CTNNA3: variants seen among roughly 807,000 people sequenced by gnomAD.
CTNNA3 encodes the protein catenin alpha 3.
CTNNA3 carries 76 observed loss-of-function variants against 95.7 expected under a neutral mutation model. The ratio of observed to expected loss-of-function variants is 0.79; its 90% confidence interval spans 0.66 to 0.96. The LOEUF (loss-of-function observed/expected upper bound fraction) is 0.96. Among genes scored for constraint, CTNNA3 ranks in the 40% least tolerant of loss-of-function variants. The pLI is 0.00. For synonymous variants in CTNNA3, 431 were observed against 374.4 expected (o/e 1.15, Z -1.74); for missense variants, 1,191 against 1,089.8 (o/e 1.09, Z -1.31).
intron 5 of CTNNA3, among the ~76,000 whole-genome samples, chr10:67,482,736 T>C (rs1848283277): frequency 6.6e-6 from 1 of 152,180 alleles, no homozygotes; most frequent in Non-Finnish European, 1.5e-5. Flanking sequence ...TGAATACCCT[T>C]TATTTCCTTC....
At chr10:67,054,281 C>T (rs183090348) in intron 7 of CTNNA3, among the ~76,000 whole-genome samples, 278 of 152,078 alleles carry the variant, frequency 1.8e-3, no homozygotes, top group South Asian at 4.6e-3. Flanking sequence ...TACCCCAGAA[C>T]ATCAGGAAGA....
chr10:66,844,684 G>C (rs987011404), intron 7 of CTNNA3, among the ~76,000 whole-genome samples: 2 of 152,156 alleles, frequency 1.3e-5, no homozygotes, highest in African/African-American at 4.8e-5. Context: ...AACCATGTGT[G>C]TCAGTGAGAA....
rs529355315 is a variant in CTNNA3, at chr10:66,575,907, T to C, written c.1374+45785A>G. 2.0e-5 allele frequency among the ~76,000 whole-genome samples: 3 copies of C among 152,160 alleles called. No individual in the cohort carries two copies. The East Asian group carries it at 5.8e-4, about 29-fold the overall frequency. On this transcript the variant is annotated intron_variant, in intron 10 of 17. Transcript: ENST00000433211. ...TCTTTAATACCTGTGATCACAGCTG[T>C]GAAATAGGCTTAATACACAGCCTGA... is the stretch of plus-strand genomic sequence containing the variant.
At chr10:66,236,157 A>C (rs2089843982) in intron 13 of CTNNA3, among the ~76,000 whole-genome samples, 1 of 152,204 alleles carries the variant, frequency 6.6e-6, no homozygotes, top group Admixed American at 6.5e-5. Flanking sequence ...CAAAGGAACA[A>C]ACGGAGACAA....
At chr10:67,535,842 T>G (rs1320967436) in intron 4 of CTNNA3, among the ~76,000 whole-genome samples, 1 of 152,116 alleles carries the variant, frequency 6.6e-6, no homozygotes, top group Non-Finnish European at 1.5e-5. Flanking sequence ...AAATAATTCA[T>G]CTTAAAAACA....
chr10:67,675,972 C>G (rs932820012), intron 1 of CTNNA3, among the ~76,000 whole-genome samples: 1 of 151,926 alleles, frequency 6.6e-6, no homozygotes, highest in African/African-American at 2.4e-5. Flanking sequence ...ATATTTTCCT[C>G]TAGAATGCAA....
chr10:66,243,110 G>T (rs945841963), intron 13 of CTNNA3, among the ~76,000 whole-genome samples: 2 of 152,274 alleles, frequency 1.3e-5, no homozygotes, highest in South Asian at 2.1e-4. Context: ...CAATTGATCA[G>T]TGTTAACATT....
chr10:66,461,185 C>T (rs180763607), intron 11 of CTNNA3, among the ~76,000 whole-genome samples: 15 of 152,040 alleles, frequency 9.9e-5, no homozygotes, highest in Non-Finnish European at 2.1e-4. Flanking sequence ...GCGCATTTCC[C>T]CAGGAATCAC....
chr10:65,945,098 T>C (rs2077495459), intron 17 of CTNNA3, among the ~76,000 whole-genome samples: 1 of 152,110 alleles, frequency 6.6e-6, no homozygotes, highest in Non-Finnish European at 1.5e-5. Context: ...AACTAATTTA[T>C]ATATGTATGC....
intron 13 of CTNNA3, among the ~76,000 whole-genome samples, chr10:66,231,001 T>G (rs988252199): frequency 3.3e-5 from 5 of 152,076 alleles, no homozygotes; most frequent in Non-Finnish European, 7.4e-5. Flanking sequence ...AAGAATAAAC[T>G]CAGGTGGTGG....
At chr10:66,189,545 T>C (rs1481433441) in intron 13 of CTNNA3, among the ~76,000 whole-genome samples, 2 of 150,274 alleles carry the variant, frequency 1.3e-5, no homozygotes, top group Non-Finnish European at 3.0e-5. Context: ...TTATGTTCTG[T>C]TGCTCTATGT....
intron 7 of CTNNA3, among the ~76,000 whole-genome samples, chr10:66,918,125 C>T (rs538946421): frequency 6.6e-6 from 1 of 152,272 alleles, no homozygotes; most frequent in South Asian, 2.1e-4. Context: ...GATTGCTATC[C>T]TATTAATAAG....
At chr10:66,634,562 C>G (rs1253718903) in intron 9 of CTNNA3, among the ~76,000 whole-genome samples, 1 of 133,504 alleles carries the variant, frequency 7.5e-6, no homozygotes, top group Non-Finnish European at 1.5e-5. Flanking sequence ...TGGAAAGGTA[C>G]TCTGTGCATG....
chr10:67,465,249 C>A (rs1847543568), intron 5 of CTNNA3, among the ~76,000 whole-genome samples: 1 of 151,982 alleles, frequency 6.6e-6, no homozygotes, highest in Non-Finnish European at 1.5e-5. Context: ...TAAAGTAATT[C>A]TGTTACTCTC....
chr10:67,691,543 C>A (rs1303376278), intron 1 of CTNNA3, among the ~76,000 whole-genome samples: 3 of 151,538 alleles, frequency 2.0e-5, no homozygotes, highest in African/African-American at 7.3e-5. Context: ...TCTGCCCTGC[C>A]GCCCCGTCCG....
chr10:66,775,577 T>A, intron 7 of CTNNA3, 53 bp from the exon 8 acceptor site: 2 of 1,293,204 alleles, frequency 1.5e-6, no homozygotes, highest in Non-Finnish European at 1.1e-6. Flanking sequence ...TCTTTATCAC[T>A]TAGCAATTTG....
intron 13 of CTNNA3, among the ~76,000 whole-genome samples, chr10:66,119,996 T>G (rs2082507180): frequency 6.6e-6 from 1 of 152,200 alleles, no homozygotes. Flanking sequence ...TGGAGAAGGA[T>G]GTGGATTCAA....
At chr10:66,957,461 T>C (rs928727052) in intron 7 of CTNNA3, among the ~76,000 whole-genome samples, 3 of 143,750 alleles carry the variant, frequency 2.1e-5, no homozygotes, top group Non-Finnish European at 4.5e-5. Context: ...TATATGCATA[T>C]ATATATATGT....
intron 7 of CTNNA3, among the ~76,000 whole-genome samples, chr10:66,831,124 A>T (rs1305353639): frequency 6.6e-6 from 1 of 152,160 alleles, no homozygotes; most frequent in African/African-American, 2.4e-5. Flanking sequence ...CACCTGGACT[A>T]CTACAATAAT....
Sources: allele counts gnomAD v4.1 joint callset (sites outside exome capture counted in the v4.1 genomes callset), GRCh38; gene constraint gnomAD v4.1.1; transcripts MANE v1.5; gene names NCBI Gene and HGNC (gene_info 2026-07-23, HGNC 2026-07-21).